The following CCDC12 variants were observed in gnomAD, a reference collection of about 807,000 sequenced individuals.
CCDC12 encodes the protein coiled-coil domain-containing protein 12.
CCDC12 carries 28 observed loss-of-function variants against 25.7 expected under a neutral mutation model. That is an observed-to-expected ratio of 1.09 (90% CI 0.81 to 1.50). The LOEUF is 1.50. Among genes scored for constraint, CCDC12 ranks in the 40% most tolerant of loss-of-function variants. CCDC12 has a pLI of 0.00. For synonymous variants in CCDC12, 75 were observed against 87.7 expected (o/e 0.86, Z 0.81); for missense variants, 198 against 210.0 (o/e 0.94, Z 0.35).
At chr3:46,949,612 G>A (rs2034035950) in intron 1 of CCDC12, among the ~76,000 whole-genome samples, 1 of 152,206 alleles carries the variant, frequency 6.6e-6, no homozygotes, top group South Asian at 2.1e-4. Flanking sequence ...ACCTCCCTGA[G>A]GCTCTGTCTC....
At chr3:46,966,824 C>T (rs2107191695) in intron 1 of CCDC12, among the ~76,000 whole-genome samples, 1 of 152,330 alleles carries the variant, frequency 6.6e-6, no homozygotes, top group South Asian at 2.1e-4. Context: ...CCACACACTT[C>T]CCTGAAACAG....
At chr3:46,971,143 T>C (rs1485934422) in intron 1 of CCDC12, among the ~76,000 whole-genome samples, 1 of 152,198 alleles carries the variant, frequency 6.6e-6, no homozygotes, top group Non-Finnish European at 1.5e-5. Context: ...CACTCTCCTT[T>C]CCAGCTACCT....
chr3:46,960,778 A>T (rs1055392505), intron 1 of CCDC12, among the ~76,000 whole-genome samples: 6 of 152,274 alleles, frequency 3.9e-5, no homozygotes, highest in African/African-American at 1.2e-4. Context: ...GGGGTCTCCC[A>T]GATCTCCGAA....
At chr3:46,935,087 A>T (rs2033390971) in intron 2 of CCDC12, among the ~76,000 whole-genome samples, 3 of 152,228 alleles carry the variant, frequency 2.0e-5, no homozygotes, top group Admixed American at 2.0e-4. Context: ...TCTCTCCACA[A>T]GAGGGTCATG....
intron 1 of CCDC12, among the ~76,000 whole-genome samples, chr3:46,949,279 G>A (rs2034024032): frequency 6.6e-6 from 1 of 152,158 alleles, no homozygotes; most frequent in East Asian, 1.9e-4. Flanking sequence ...ACAGAGGGAC[G>A]GAGGGGGAAG....
chr3:46,931,731 G>A (rs2033224361), intron 2 of CCDC12, among the ~76,000 whole-genome samples: 1 of 152,238 alleles, frequency 6.6e-6, no homozygotes, highest in African/African-American at 2.4e-5. Context: ...AAGGGCCAGA[G>A]AGAGAACTGC....
chr3:46,933,788 T>C (rs1329049215), intron 2 of CCDC12, among the ~76,000 whole-genome samples: 1 of 152,192 alleles, frequency 6.6e-6, no homozygotes, highest in Non-Finnish European at 1.5e-5. Flanking sequence ...TGAAAGTGTA[T>C]TTACCAAAAG....
chr3:46,942,977 C>T (rs2033768570), intron 1 of CCDC12, among the ~76,000 whole-genome samples: 1 of 151,924 alleles, frequency 6.6e-6, no homozygotes, highest in Non-Finnish European at 1.5e-5. Flanking sequence ...GAGGGGGTGA[C>T]AATGATTGCC....
chr3:46,923,174 C>T, intron 5 of CCDC12, 155 bp downstream of exon 5: 1 of 774,364 alleles, frequency 1.3e-6, no homozygotes, highest in Non-Finnish European at 1.8e-6. Context: ...ATGTCCTCCT[C>T]AGCACTGGTT....
chr3:46,976,222 G>C, intron 1 of CCDC12: 1 of 754,720 alleles, frequency 1.3e-6, no homozygotes, highest in Non-Finnish European at 1.7e-6. Flanking sequence ...AAGGAGTGCT[G>C]CCGGACTGGG....
intron 1 of CCDC12, among the ~76,000 whole-genome samples, chr3:46,950,106 T>C (rs533356494): frequency 2.6e-5 from 4 of 151,970 alleles, no homozygotes; most frequent in Non-Finnish European, 5.9e-5. Context: ...CCCTCAGCGA[T>C]GGGCCTAATT....
chr3:46,926,601 G>A (rs1470193470), intron 2 of CCDC12, among the ~76,000 whole-genome samples: 3 of 152,130 alleles, frequency 2.0e-5, no homozygotes, highest in Non-Finnish European at 2.9e-5. Context: ...CAGGCTCCCA[G>A]GAAAATGTGT....
chr3:46,964,418 C>A (rs955474230), intron 1 of CCDC12, among the ~76,000 whole-genome samples: 3 of 151,974 alleles, frequency 2.0e-5, no homozygotes, highest in Non-Finnish European at 4.4e-5. Flanking sequence ...AGTGAGGAGC[C>A]CCTCTACCCG....
intron 1 of CCDC12, among the ~76,000 whole-genome samples, chr3:46,944,478 A>G (rs1194817222): frequency 6.6e-6 from 1 of 152,130 alleles, no homozygotes; most frequent in Non-Finnish European, 1.5e-5. Flanking sequence ...CCCTAGGTGC[A>G]CAGCCTCCCC....
intron 1 of CCDC12, among the ~76,000 whole-genome samples, chr3:46,950,335 C>T (rs1218020810): frequency 6.6e-6 from 1 of 152,076 alleles, no homozygotes; most frequent in Non-Finnish European, 1.5e-5. Context: ...GATAGGGTCT[C>T]GCTCTGTTGT....
At chr3:46,949,716 C>T (rs774657371) in intron 1 of CCDC12, among the ~76,000 whole-genome samples, 1 of 152,218 alleles carries the variant, frequency 6.6e-6, no homozygotes, top group Non-Finnish European at 1.5e-5. Context: ...CAGGGTCCCG[C>T]ATGACCCTGC....
At chr3:46,979,909 G>A, upstream of CCDC12, 1 of 427,106 alleles carries the variant, frequency 2.3e-6, no homozygotes, top group Non-Finnish European at 4.2e-6. Flanking sequence ...TCTACTACGC[G>A]CAGGTGAGCC....
At chr3:46,941,357 T>A (rs1335154749) in intron 1 of CCDC12, among the ~76,000 whole-genome samples, 3 of 152,018 alleles carry the variant, frequency 2.0e-5, no homozygotes, top group African/African-American at 7.2e-5. Flanking sequence ...GGTCAGGAGA[T>A]CGCAACCATC....
At chr3:46,981,575 C>G (rs999224528), upstream of CCDC12, among the ~76,000 whole-genome samples, 4 of 152,212 alleles carry the variant, frequency 2.6e-5, no homozygotes, top group Admixed American at 6.5e-5. Context: ...TGGGTCCCCT[C>G]GCCCCAGCTT....
Sources: allele counts gnomAD v4.1 joint callset (sites outside exome capture counted in the v4.1 genomes callset), GRCh38; gene constraint gnomAD v4.1.1; transcripts MANE v1.5; gene names NCBI Gene and HGNC (gene_info 2026-07-23, HGNC 2026-07-21).